Variants in RBMS3 observed in about 807,000 individuals in gnomAD.
RBMS3 encodes the protein RNA-binding motif, single-stranded-interacting protein 3.
In RBMS3, 27 loss-of-function variants were observed where a neutral mutation model predicts 66.8. The observed-to-expected ratio is 0.40, with a 90% confidence interval of 0.30 to 0.56. The LOEUF (loss-of-function observed/expected upper bound fraction) is 0.56. Among genes scored for constraint, RBMS3 ranks in the 20% least tolerant of loss-of-function variants. RBMS3 has a pLI of 0.40. For synonymous variants in RBMS3, 188 were observed against 183.0 expected (o/e 1.03, Z -0.22); for missense variants, 513 against 549.5 (o/e 0.93, Z 0.66).
intron 12 of RBMS3, among the ~76,000 whole-genome samples, chr3:29,948,662 T>C (rs1224806848): frequency 6.6e-6 from 1 of 151,852 alleles, no homozygotes; most frequent in African/African-American, 2.4e-5. Flanking sequence ...TTGTTATGTG[T>C]TCCCACAAGC....
At chr3:29,882,088 G>A (rs758785841) in intron 7 of RBMS3, among the ~76,000 whole-genome samples, 1 of 152,088 alleles carries the variant, frequency 6.6e-6, no homozygotes, top group Admixed American at 6.6e-5. Flanking sequence ...GGGGAGAGAA[G>A]CTTAGTGTTC....
At chr3:29,662,102 C>T (rs907309867) in intron 4 of RBMS3, among the ~76,000 whole-genome samples, 1 of 152,118 alleles carries the variant, frequency 6.6e-6, no homozygotes, top group African/African-American at 2.4e-5. Context: ...GAAAAATAGT[C>T]TGTACTTAAG....
chr3:29,824,282 C>T (rs1030294957), intron 6 of RBMS3, among the ~76,000 whole-genome samples: 3 of 151,984 alleles, frequency 2.0e-5, no homozygotes, highest in Non-Finnish European at 2.9e-5. Context: ...TGCCTTTCCC[C>T]CATGTGATGA....
At chr3:29,337,939 C>T (rs1326078616) in intron 1 of RBMS3, among the ~76,000 whole-genome samples, 1 of 152,138 alleles carries the variant, frequency 6.6e-6, no homozygotes, top group Non-Finnish European at 1.5e-5. Context: ...TGGAAAACAA[C>T]TCTGTTGACT....
At chr3:29,753,885 A>T (rs1172918767) in intron 5 of RBMS3, among the ~76,000 whole-genome samples, 2 of 152,146 alleles carry the variant, frequency 1.3e-5, no homozygotes, top group African/African-American at 4.8e-5. Flanking sequence ...AAGCTGTAAG[A>T]TTACACTTTT....
intron 2 of RBMS3, among the ~76,000 whole-genome samples, chr3:29,465,439 A>G (rs181387011): frequency 1.3e-5 from 2 of 151,182 alleles, no homozygotes; most frequent in Admixed American, 1.3e-4. Flanking sequence ...CTCCAGAGTA[A>G]TATGTTCCTC....
In RBMS3 at chr3:30,007,007, A is replaced by G. The variant is rs1048383823; in HGVS notation, c.*3145A>G. The G allele has an allele frequency of 3.3e-5, 5 of 152,014 alleles. No homozygotes were observed. The highest frequency in any genetic ancestry group is 2.6e-4 in the Admixed American group (4 of 15,246). 9.4% of individuals were successfully genotyped at this position (152,014 alleles called of 1,614,324 possible). A position where few individuals can be genotyped will look rare whatever the true frequency, so the allele number is the denominator to read the frequency against. The stretch of plus-strand genomic sequence containing the variant: ...GTGTTTGGATAGTTTATATCATGCC[A>G]TTCTATAAAATGTATGTTTTCAAAC... On this transcript the variant is annotated 3_prime_UTR_variant, in exon 15 of 15. Coordinates refer to ENST00000383767, the MANE Select transcript of RBMS3 (RefSeq NM_001003793.3).
At chr3:29,827,350 G>A (rs1274822201) in intron 6 of RBMS3, among the ~76,000 whole-genome samples, 3 of 152,132 alleles carry the variant, frequency 2.0e-5, no homozygotes, top group African/African-American at 7.2e-5. Context: ...TTCTTTCAGG[G>A]CCATATGAAT....
chr3:29,705,945 C>A (rs926255132), intron 4 of RBMS3, among the ~76,000 whole-genome samples: 10 of 152,076 alleles, frequency 6.6e-5, no homozygotes, highest in African/African-American at 2.4e-4. Flanking sequence ...CTGAGTTTTC[C>A]CTTATTATTC....
intron 14 of RBMS3, among the ~76,000 whole-genome samples, chr3:30,000,184 GA>G (rs1291562409): frequency 6.6e-6 from 1 of 151,386 alleles, no homozygotes; most frequent in Non-Finnish European, 1.5e-5. Context: ...CAAAGAACTT[GA>G]ACAAATTTAC....
At chr3:29,626,023 GC>G (rs2049050369) in intron 4 of RBMS3, among the ~76,000 whole-genome samples, 1 of 152,126 alleles carries the variant, frequency 6.6e-6, no homozygotes, top group Non-Finnish European at 1.5e-5. Context: ...CCAACAAAAA[GC>G]CCTTTAAAAA....
At chr3:29,645,107 T>G (rs1455217080) in intron 4 of RBMS3, among the ~76,000 whole-genome samples, 1 of 152,186 alleles carries the variant, frequency 6.6e-6, no homozygotes, top group Non-Finnish European at 1.5e-5. Context: ...GTTCCTACAT[T>G]TCTCAAGGCT....
intron 12 of RBMS3, among the ~76,000 whole-genome samples, chr3:29,966,048 G>T (rs1384636757): frequency 6.6e-6 from 1 of 152,058 alleles, no homozygotes; most frequent in Non-Finnish European, 1.5e-5. Flanking sequence ...AAGTATTTGG[G>T]TTTATTTTTT....
At chr3:29,514,650 C>CATATATATATATATATAT (rs10601940) in intron 3 of RBMS3, among the ~76,000 whole-genome samples, 1,672 of 103,260 alleles carry the variant, frequency 0.016, 29 homozygotes, top group African/African-American at 0.034. Context: ...GTGATAGGCA[C>CATATATATATATATATAT]ATATATATAT....
At chr3:29,445,420 A>T (rs2041791998) in intron 2 of RBMS3, among the ~76,000 whole-genome samples, 1 of 152,086 alleles carries the variant, frequency 6.6e-6, no homozygotes, top group Non-Finnish European at 1.5e-5. Flanking sequence ...GACAAAAAAA[A>T]AAAACTGTTT....
chr3:29,391,313 T>G (rs2039283591), intron 1 of RBMS3: 1 of 152,498 alleles, frequency 6.6e-6, no homozygotes, highest in African/African-American at 2.4e-5. Flanking sequence ...TTGAAATATT[T>G]GAAGAAATTC....
intron 4 of RBMS3, among the ~76,000 whole-genome samples, chr3:29,645,509 C>G (rs1226297786): frequency 2.0e-5 from 3 of 152,142 alleles, no homozygotes; most frequent in African/African-American, 7.2e-5. Flanking sequence ...AACTTCTGTA[C>G]AAAGAGTGCT....
At chr3:29,927,972 C>T (rs1202439312) in intron 10 of RBMS3, among the ~76,000 whole-genome samples, 1 of 151,898 alleles carries the variant, frequency 6.6e-6, no homozygotes, top group East Asian at 1.9e-4. Context: ...CTGAACTGTC[C>T]TATCTACTCT....
At chr3:29,917,007 G>T (rs2149645467) in intron 10 of RBMS3, among the ~76,000 whole-genome samples, 1 of 151,992 alleles carries the variant, frequency 6.6e-6, no homozygotes, top group South Asian at 2.1e-4. Flanking sequence ...ATGTTAAATT[G>T]CTCTATAGTT....
Sources: gnomAD v4.1 joint callset for allele counts (sites outside exome capture counted in the v4.1 genomes callset) on GRCh38, gnomAD v4.1.1 for gene constraint, MANE v1.5 for transcripts, NCBI Gene and HGNC (gene_info 2026-07-23, HGNC 2026-07-21) for gene names.